Variants in RORA observed in about 807,000 individuals in gnomAD.
RORA encodes the protein RAR related orphan receptor A, also known as nuclear receptor ROR-alpha.
RORA carries 7 observed loss-of-function variants against 69.5 expected under a neutral mutation model. The observed-to-expected ratio is 0.10, with a 90% CI of 0.06 to 0.19. The LOEUF (loss-of-function observed/expected upper bound fraction) is 0.19. Ranked by LOEUF, RORA falls within the 10% of genes least tolerant of loss-of-function variation. RORA has a pLI of 1.00. For missense variants in RORA, 457 were observed against 663.0 expected (o/e 0.69, Z 3.41); for synonymous variants, 261 against 240.8 (o/e 1.08, Z -0.78).
At chr15:60,747,131 T>C (rs894684915) in intron 1 of RORA, among the ~76,000 whole-genome samples, 22 of 151,816 alleles carry the variant, frequency 1.4e-4, no homozygotes, top group African/African-American at 5.3e-4. Flanking sequence ...CAATCTCTTC[T>C]CTAAGAAACC....
intron 1 of RORA, among the ~76,000 whole-genome samples, chr15:61,126,892 A>G (rs1466162499): frequency 6.6e-5 from 10 of 152,234 alleles, no homozygotes; most frequent in Admixed American, 3.3e-4. Context: ...TGTTAAGTCA[A>G]TAAACTAAGG....
At chr15:60,860,474 C>CA (rs1195024944) in intron 1 of RORA, among the ~76,000 whole-genome samples, 1 of 152,180 alleles carries the variant, frequency 6.6e-6, no homozygotes, top group African/African-American at 2.4e-5. Context: ...CAACGTTTAG[C>CA]ATAAGCAAGC....
chr15:60,666,607 G>T (rs1309277134), intron 2 of RORA, among the ~76,000 whole-genome samples: 1 of 152,178 alleles, frequency 6.6e-6, no homozygotes, highest in Non-Finnish European at 1.5e-5. Flanking sequence ...AGGTGGAATT[G>T]GAGAAGGCTT....
At chr15:60,875,324 G>T (rs1217736484) in intron 1 of RORA, among the ~76,000 whole-genome samples, 1 of 152,164 alleles carries the variant, frequency 6.6e-6, no homozygotes, top group African/African-American at 2.4e-5. Flanking sequence ...CAAATAAGCA[G>T]AATTTTAGTA....
intron 1 of RORA, among the ~76,000 whole-genome samples, chr15:60,791,691 G>A (rs2072420165): frequency 6.6e-6 from 1 of 152,158 alleles, no homozygotes; most frequent in Non-Finnish European, 1.5e-5. Flanking sequence ...GTGCATGAGG[G>A]AGACTCCAAG....
intron 1 of RORA, among the ~76,000 whole-genome samples, chr15:61,173,569 T>C (rs2079603179): frequency 6.6e-6 from 1 of 152,214 alleles, no homozygotes; most frequent in South Asian, 2.1e-4. Flanking sequence ...ATCTTCTAGG[T>C]CTGCACAAAA....
chr15:60,825,439 C>T (rs2072943239), intron 1 of RORA, among the ~76,000 whole-genome samples: 1 of 152,166 alleles, frequency 6.6e-6, no homozygotes, highest in South Asian at 2.1e-4. Flanking sequence ...TGAACTATGG[C>T]AAAGCTATCT....
At chr15:60,910,904 G>GT (rs35069957) in intron 1 of RORA, among the ~76,000 whole-genome samples, 7,969 of 125,078 alleles carry the variant, frequency 0.064, 429 homozygotes, top group East Asian at 0.27. Flanking sequence ...TGTTTTTTGG[G>GT]TTTTTTTTTT....
At chr15:60,627,578 C>T (rs202004173) in intron 2 of RORA, 24 of 1,268,160 alleles carry the variant, frequency 1.9e-5, no homozygotes, top group South Asian at 2.7e-5. Context: ...GAGGTACTTA[C>T]AATTCTCCCA....
intron 1 of RORA, among the ~76,000 whole-genome samples, chr15:60,991,852 G>T (rs1168523324): frequency 2.6e-5 from 4 of 152,018 alleles, no homozygotes; most frequent in Non-Finnish European, 4.4e-5. Context: ...GCTATAGCAA[G>T]CCATGACAGC....
At chr15:61,174,105 C>A (rs1449265060) in intron 1 of RORA, among the ~76,000 whole-genome samples, 1 of 152,212 alleles carries the variant, frequency 6.6e-6, no homozygotes, top group Non-Finnish European at 1.5e-5. Context: ...TTACAAGGCA[C>A]ATTACCTACT....
At chr15:61,227,188 A>G (rs1322247380) in intron 1 of RORA, among the ~76,000 whole-genome samples, 1 of 146,278 alleles carries the variant, frequency 6.8e-6, no homozygotes, top group East Asian at 2.0e-4. Context: ...GCAGCTTCCT[A>G]AATACTATGT....
intron 1 of RORA, among the ~76,000 whole-genome samples, chr15:61,180,327 A>G (rs2079672060): frequency 6.6e-6 from 1 of 152,142 alleles, no homozygotes; most frequent in Non-Finnish European, 1.5e-5. Flanking sequence ...CATTTCAGAG[A>G]AATAATATCT....
At chr15:60,713,651 ACTGT>A (rs1195935888) in intron 1 of RORA, among the ~76,000 whole-genome samples, 4 of 152,260 alleles carry the variant, frequency 2.6e-5, no homozygotes, top group Middle Eastern at 3.4e-3. Context: ...ATATCCTCAG[ACTGT>A]CTGTGTTCCA....
At chr15:60,544,080 C>CA (rs1220532799) in intron 2 of RORA, among the ~76,000 whole-genome samples, 1 of 152,194 alleles carries the variant, frequency 6.6e-6, no homozygotes, top group African/African-American at 2.4e-5. Flanking sequence ...GAGGCTCTCA[C>CA]AACTGCCTGT....
At chr15:60,907,780 A>G (rs1891587387) in intron 1 of RORA, among the ~76,000 whole-genome samples, 1 of 152,156 alleles carries the variant, frequency 6.6e-6, no homozygotes. Flanking sequence ...CACACCCTCC[A>G]CTTCCCATGT....
chr15:60,925,115 A>AT (rs1384430636), intron 1 of RORA, among the ~76,000 whole-genome samples: 1 of 150,468 alleles, frequency 6.6e-6, no homozygotes, highest in Non-Finnish European at 1.5e-5. Flanking sequence ...ATAAAATAAA[A>AT]TAAAATAAAA....
chr15:60,791,018 T>C (rs1595717272), intron 1 of RORA, among the ~76,000 whole-genome samples: 1 of 151,632 alleles, frequency 6.6e-6, no homozygotes, highest in Non-Finnish European at 1.5e-5. Flanking sequence ...TATTGTTTCA[T>C]TGTCTTTTGC....
intron 2 of RORA, chr15:60,556,766 C>A (rs2067373521): frequency 1.0e-6 from 1 of 958,556 alleles, no homozygotes; most frequent in Admixed American, 2.1e-5. Context: ...CTGCGGGAGG[C>A]TCCATCTTTG....
Sources: gnomAD v4.1 joint callset for allele counts (sites outside exome capture counted in the v4.1 genomes callset) on GRCh38, gnomAD v4.1.1 for gene constraint, MANE v1.5 for transcripts, NCBI Gene and HGNC (gene_info 2026-07-23, HGNC 2026-07-21) for gene names.